Variants in FREM2 observed in about 807,000 individuals in gnomAD.
The protein encoded by FREM2 is FRAS1-related extracellular matrix protein 2.
Under a neutral mutation model 219.9 loss-of-function variants are expected in FREM2, and 119 were observed. The observed-to-expected ratio is 0.54, with a 90% confidence interval of 0.47 to 0.63. FREM2 has a LOEUF of 0.63. Ranked by LOEUF, FREM2 falls within the 30% of genes least tolerant of loss-of-function variation. The pLI, the probability that FREM2 is intolerant of heterozygous loss-of-function variation, is 0.00. For missense variants in FREM2, 4,030 were observed against 3,993.6 expected (o/e 1.01, Z -0.25); for synonymous variants, 1,562 against 1,522.8 (o/e 1.03, Z -0.60).
Position 38,811,255 on chromosome 13 carries a change from A to G in FREM2, c.6019+26447A>G, listed in dbSNP as rs545415785. On this transcript the variant is annotated intron_variant, in intron 6 of 23. Transcript: ENST00000280481. ...TTGTCAATGTTGTTTATCAATAACA[A>G]CTTTTTGTTTTATTGATCTTGTGTA... Among the ~76,000 whole-genome samples, 6 of 152,008 alleles carry G rather than the reference A, an allele frequency of 3.9e-5. No individual in the cohort carries two copies. In the South Asian group the frequency reaches 1.2e-3, roughly 32 times the overall value.
At chr13:38,774,763 T>G (rs1024870684) in intron 4 of FREM2, among the ~76,000 whole-genome samples, 1 of 152,122 alleles carries the variant, frequency 6.6e-6, no homozygotes, top group African/African-American at 2.4e-5. Flanking sequence ...GTAAATGGAG[T>G]TCTATATACA....
intron 21 of FREM2, 109 bp from the exon 22 acceptor site, chr13:38,878,025 G>T: frequency 3.2e-6 from 3 of 936,356 alleles, no homozygotes; most frequent in South Asian, 1.4e-5. Flanking sequence ...AGTAGATGAG[G>T]GTGGCAAGGA....
At chr13:38,879,051 A>G in intron 23 of FREM2, 74 bp downstream of exon 23, 2 of 1,291,512 alleles carry the variant, frequency 1.5e-6, no homozygotes, top group Non-Finnish European at 2.3e-6. Context: ...TATGCCTCAG[A>G]TGTCTCATAT....
At chr13:38,822,255 T>G (rs950181403) in intron 6 of FREM2, among the ~76,000 whole-genome samples, 1 of 152,026 alleles carries the variant, frequency 6.6e-6, no homozygotes, top group African/African-American at 2.4e-5. Flanking sequence ...CTGAGGGTGT[T>G]TCACAAACAA....
chr13:38,687,606 T>C lies in FREM2; in HGVS notation c.262T>C (p.Trp88Arg), dbSNP rs539210404. The change falls in exon 1 of 24, where the codon TGG becomes CGG. Residue 88 changes from tryptophan to arginine, a missense_variant. Trp to Arg is a moderately radical substitution (Grantham distance 101, BLOSUM62 -3). Coordinates refer to ENST00000280481, the MANE Select transcript of FREM2 (RefSeq NM_207361.6). ...CCGGGTGCCTTTCGGCCGTGAAGTC[T>C]GGCTGGATCCCCTGCATGACCTGGT... ...GLRVPFGREV[W>R]LDPLHDLVLQ... The C allele has an allele frequency of 1.5e-5, 24 of 1,609,454 alleles. 1 individual carries two copies. The South Asian group carries it at 2.2e-4, about 15-fold the overall frequency.
chr13:38,878,389 TA>T, intron 22 of FREM2, 68 bp downstream of exon 22: 1 of 988,976 alleles, frequency 1.0e-6, no homozygotes, highest in Non-Finnish European at 1.5e-6. Context: ...GTCTTATATT[TA>T]AAAACAAGGC....
chr13:38,738,952 T>A (rs1024758793), intron 2 of FREM2, among the ~76,000 whole-genome samples: 2 of 152,248 alleles, frequency 1.3e-5, no homozygotes, highest in African/African-American at 4.8e-5. Flanking sequence ...TGTATTGCAC[T>A]CGGCAAGGTA....
chr13:38,857,433 C>T (rs1255638373), intron 12 of FREM2, among the ~76,000 whole-genome samples: 1 of 152,150 alleles, frequency 6.6e-6, no homozygotes, highest in Non-Finnish European at 1.5e-5. Context: ...CTGGCATCTG[C>T]TTCATCCAGG....
Position 38,857,923 on chromosome 13 carries a change from G to A in FREM2, c.7105G>A (p.Val2369Ile). Reference sequence around the variant, plus strand: ...AGAAGAAATGAGCAGCATGGCAGATGTCACTTTTCCTTCTGTCCCTCAAAT... The same window carrying A: ...AGAAGAAATGAGCAGCATGGCAGATATCACTTTTCCTTCTGTCCCTCAAAT... ...YIEEMSSMAD[V>I]TFPSVPQIVS... The change falls in exon 13 of 24, where the codon GTC becomes ATC. Residue 2369 changes from valine to isoleucine, a missense_variant. Coordinates refer to ENST00000280481, the MANE Select transcript of FREM2 (RefSeq NM_207361.6). 6.2e-7 allele frequency: 1 copy of A among 1,613,764 alleles called. No homozygotes were observed. The highest frequency in any genetic ancestry group is 8.5e-7 in the Non-Finnish European group (1 of 1,179,642).
At chr13:38,796,344 T>C (rs576880065) in intron 6 of FREM2, among the ~76,000 whole-genome samples, 1 of 152,204 alleles carries the variant, frequency 6.6e-6, no homozygotes, top group Non-Finnish European at 1.5e-5. Flanking sequence ...GGTAAAGAAC[T>C]GGGGCTGGGT....
intron 2 of FREM2, among the ~76,000 whole-genome samples, chr13:38,757,529 A>G (rs1011444791): frequency 6.6e-6 from 1 of 151,852 alleles, no homozygotes; most frequent in Non-Finnish European, 1.5e-5. Flanking sequence ...GTGGAAACCC[A>G]TGTGTGTCGT....
At chr13:38,768,777 A>G (rs1309346778) in intron 3 of FREM2, among the ~76,000 whole-genome samples, 6 of 152,150 alleles carry the variant, frequency 3.9e-5, no homozygotes, top group African/African-American at 9.7e-5. Context: ...CTGCTTTTGG[A>G]TAATGTACCC....
At position 38,703,959 on chromosome 13, in the gene FREM2, G is replaced by A. The variant is rs1313396414; in HGVS notation, c.5263+6172G>A. Among the ~76,000 whole-genome samples the A allele has an allele frequency of 7.9e-5, 12 of 152,194 alleles. No individual in the cohort carries two copies. In the East Asian group the frequency reaches 2.3e-3, roughly 29 times the overall value. On this transcript the variant is annotated intron_variant, in intron 2 of 23. Transcript: ENST00000280481. The stretch of plus-strand genomic sequence containing the variant: ...ATCTCAAATCAAATATTTATTTGTG[G>A]CATATGTTAATAATTTGATAGTATC...
intron 6 of FREM2, among the ~76,000 whole-genome samples, chr13:38,815,125 G>A (rs1317660603): frequency 6.6e-6 from 1 of 152,148 alleles, no homozygotes; most frequent in East Asian, 1.9e-4. Flanking sequence ...ACACATGGTT[G>A]CTAAAATTTG....
At position 38,812,605 on chromosome 13, in the gene FREM2, G is replaced by T. The variant is rs115248129; in HGVS notation, c.6019+27797G>T. ...TAAGAAAAACTACACTTTTGGCTGG[G>T]CATGGAGGCTCATACCTGTAATCCC... On this transcript the variant is annotated intron_variant, in intron 6 of 23. Transcript: ENST00000280481. Among the ~76,000 whole-genome samples, 1,365 of 152,184 alleles carry T rather than the reference G, an allele frequency of 9.0e-3. 16 individuals are homozygous for T. The highest frequency in any genetic ancestry group is 0.031 in the African/African-American group (1,289 of 41,524).
intron 3 of FREM2, among the ~76,000 whole-genome samples, chr13:38,765,948 C>T (rs1043892217): frequency 2.0e-5 from 3 of 152,182 alleles, no homozygotes; most frequent in African/African-American, 7.2e-5. Flanking sequence ...TCTCTGTGCA[C>T]ATGTGCACAT....
intron 16 of FREM2, among the ~76,000 whole-genome samples, chr13:38,865,079 G>T (rs997467053): frequency 6.6e-6 from 1 of 152,068 alleles, no homozygotes; most frequent in Admixed American, 6.5e-5. Flanking sequence ...AACTTTCTCT[G>T]CTTTTAGCCT....
At chr13:38,765,211 C>T (rs906271452) in intron 3 of FREM2, among the ~76,000 whole-genome samples, 3 of 152,102 alleles carry the variant, frequency 2.0e-5, no homozygotes, top group Admixed American at 2.0e-4. Flanking sequence ...CGCCCGGCCT[C>T]AAGTTCATAT....
intron 2 of FREM2, among the ~76,000 whole-genome samples, chr13:38,750,649 G>T (rs1322556966): frequency 6.6e-6 from 1 of 152,036 alleles, no homozygotes; most frequent in African/African-American, 2.4e-5. Flanking sequence ...ACCTAGCAGT[G>T]GGATAACTGG....
Sources: gnomAD v4.1 joint callset for allele counts (sites outside exome capture counted in the v4.1 genomes callset) on GRCh38, gnomAD v4.1.1 for gene constraint, MANE v1.5 for transcripts, NCBI Gene and HGNC (gene_info 2026-07-23, HGNC 2026-07-21) for gene names.